The following ATG13 variants were observed in gnomAD, a reference collection of about 807,000 sequenced individuals.
ATG13 encodes autophagy related 13.
Under a neutral mutation model 65.5 loss-of-function variants are expected in ATG13, and 23 were observed. The observed-to-expected ratio is 0.35, with a 90% CI of 0.25 to 0.50. The LOEUF (loss-of-function observed/expected upper bound fraction) is 0.50, where lower values mean the gene tolerates loss of function less well. ATG13 is among the 20% of genes least tolerant of loss of function. ATG13 has a pLI of 0.98. For synonymous variants in ATG13, 252 were observed against 245.2 expected, an observed-to-expected ratio of 1.03 and a Z score of -0.26; for missense variants, 566 against 677.0, an observed-to-expected ratio of 0.84 and a Z score of 1.82.
chr11:46,659,455 C>T lies in ATG13; in HGVS notation c.759C>T (p.Thr253=). 1 of 1,613,948 alleles carries T rather than the reference C, an allele frequency of 6.2e-7. No individual in the cohort carries two copies. The highest frequency in any genetic ancestry group is 1.1e-5 in the South Asian group (1 of 91,062). The change falls in exon 11 of 19, where the codon ACC becomes ACT. Residue 253 remains threonine (T), a synonymous_variant. Transcript: ENST00000683050. ...PSVEDSQEVC[T]TSFSTSPPSQ... ...TAGAAGACTCTCAAGAAGTGTGTAC[C>T]ACCTCTTTTTCCACCTCCCCACCAT...
chr11:46,645,501 T>C, intron 4 of ATG13, 82 bp downstream of exon 4: 1 of 1,130,160 alleles, frequency 8.8e-7, no homozygotes, highest in Non-Finnish European at 1.3e-6. Context: ...CAATAATAAG[T>C]AATACCATTT....
At position 46,672,592 on chromosome 11, in the gene ATG13, G is replaced by A; in HGVS notation, c.*260G>A. 4 of 1,422,840 alleles carry A rather than the reference G, an allele frequency of 2.8e-6. 1 individual carries two copies. Among genetic ancestry groups the A allele is most frequent in the East Asian group, 6.3e-5 (2 of 31,856 alleles). 88.1% of individuals were successfully genotyped at this position (1,422,840 alleles called of 1,614,324 possible). ...GAACCTTCGTACGAAAAAGCCCTCA[G>A]CAGGGCCATCTGTGTGCCCTGCCCA... On this transcript the variant is annotated 3_prime_UTR_variant, in exon 19 of 19. Coordinates refer to ENST00000683050, the MANE Select transcript of ATG13 (RefSeq NM_001346311.2).
At chr11:46,619,996 T>G (rs1233176029) in intron 1 of ATG13, among the ~76,000 whole-genome samples, 2 of 140,900 alleles carry the variant, frequency 1.4e-5, no homozygotes, top group South Asian at 2.4e-4. Flanking sequence ...GCCATTGCAC[T>G]CCAGCCCGGG....
chr11:46,623,541 C>T (rs1464492613), intron 1 of ATG13, among the ~76,000 whole-genome samples: 1 of 151,902 alleles, frequency 6.6e-6, no homozygotes, highest in East Asian at 1.9e-4. Flanking sequence ...AGTTCTCCTG[C>T]CTCAGCCTCC....
chr11:46,654,427 AT>A (rs2059608478), intron 7 of ATG13, among the ~76,000 whole-genome samples: 1 of 140,722 alleles, frequency 7.1e-6, no homozygotes, highest in Non-Finnish European at 1.5e-5. Flanking sequence ...TGGGAGAATA[AT>A]TTGAGGCCAG....
intron 2 of ATG13, among the ~76,000 whole-genome samples, chr11:46,634,159 G>C (rs549767654): frequency 1.3e-5 from 2 of 151,270 alleles, no homozygotes; most frequent in Non-Finnish European, 2.9e-5. Context: ...TCAGTGGCAC[G>C]ATCTCAGCTC....
At chr11:46,657,301 T>C in intron 9 of ATG13, 110 bp downstream of exon 9, 1 of 1,098,220 alleles carries the variant, frequency 9.1e-7, no homozygotes, top group South Asian at 1.3e-5. Flanking sequence ...AAGCAGTACC[T>C]TCAGAAGAAT....
At chr11:46,635,459 TAGAG>T (rs1427323766) in intron 2 of ATG13, among the ~76,000 whole-genome samples, 1 of 152,280 alleles carries the variant, frequency 6.6e-6, no homozygotes, top group Admixed American at 6.5e-5. Flanking sequence ...CTGGCCAACA[TAGAG>T]AGACCCCCAT....
At chr11:46,622,139 G>A (rs1250994353) in intron 1 of ATG13, among the ~76,000 whole-genome samples, 1 of 123,848 alleles carries the variant, frequency 8.1e-6, no homozygotes, top group Non-Finnish European at 1.6e-5. Context: ...TTATTTTAGA[G>A]ATGGTATTTG....
chr11:46,669,262 G>A (rs1187489210), intron 17 of ATG13, 142 bp from the exon 18 acceptor site: 1 of 1,083,914 alleles, frequency 9.2e-7, no homozygotes, highest in Non-Finnish European at 1.3e-6. Flanking sequence ...TGAACAGTCT[G>A]GGAGAGAAAA....
At chr11:46,665,129 A>T (rs1176443369) in intron 13 of ATG13, among the ~76,000 whole-genome samples, 170 bp downstream of exon 13, 1 of 152,206 alleles carries the variant, frequency 6.6e-6, no homozygotes, top group Admixed American at 6.5e-5. Flanking sequence ...GGAGCCTCTT[A>T]GACTTCAGAA....
At chr11:46,652,745 C>T (rs1164977923) in intron 7 of ATG13, among the ~76,000 whole-genome samples, 1 of 152,080 alleles carries the variant, frequency 6.6e-6, no homozygotes, top group Non-Finnish European at 1.5e-5. Flanking sequence ...AAAAGTTTAG[C>T]AAATTTTAAG....
intron 12 of ATG13, 103 bp from the exon 13 acceptor site, chr11:46,664,746 C>G: frequency 9.7e-7 from 1 of 1,034,698 alleles, no homozygotes; most frequent in Non-Finnish European, 1.5e-6. Context: ...TGGGCGGGAG[C>G]CATTCCTTAT....
In ATG13 at chr11:46,668,794, G is replaced by A. The variant is rs987531893; in HGVS notation, c.1330G>A (p.Val444Met). The A allele has an allele frequency of 5.6e-6, 9 of 1,611,282 alleles. No individual in the cohort carries two copies. The highest frequency in any genetic ancestry group is 5.9e-6 in the Non-Finnish European group (7 of 1,178,350). Residue 444 changes from valine (V) to methionine (M), a missense_variant and splice_region_variant, in exon 17 of 19, where the codon GTG becomes ATG. Physicochemically the swap from Val to Met is conservative, Grantham distance 21 (BLOSUM62 1). Coordinates refer to ENST00000683050, the MANE Select transcript of ATG13 (RefSeq NM_001346311.2). ...NLELEDTDPM[V>M]NPPDSPETES... ...CTAATCCTGCCTTGCTATGAAACAG[G>A]TGAATCCTCCAGATTCCCCAGAGAC...
chr11:46,625,274 T>C (rs1442550030), intron 1 of ATG13: 15 of 144,790 alleles, frequency 1.0e-4, no homozygotes, highest in African/African-American at 3.1e-4. Flanking sequence ...TCTTTCTTTT[T>C]TTTTTTTTTT....
intron 16 of ATG13, 88 bp from the exon 17 acceptor site, chr11:46,668,706 T>A (rs2062988598): frequency 1.3e-6 from 2 of 1,489,824 alleles, no homozygotes; most frequent in Non-Finnish European, 1.9e-6. Flanking sequence ...TAGCCAGCAT[T>A]AAGTTCTTCC....
intron 12 of ATG13, 114 bp downstream of exon 12, chr11:46,664,209 A>T (rs1320783217): frequency 2.3e-6 from 2 of 858,006 alleles, no homozygotes; most frequent in East Asian, 5.7e-5. Context: ...CTGTGGGATT[A>T]TTTTGAGGCT....
chr11:46,651,638 A>G (rs886535761), intron 7 of ATG13, among the ~76,000 whole-genome samples: 1 of 152,240 alleles, frequency 6.6e-6, no homozygotes, highest in African/African-American at 2.4e-5. Context: ...GTATAGCAAG[A>G]TAGAGGGACC....
intron 2 of ATG13, among the ~76,000 whole-genome samples, chr11:46,640,396 A>G (rs1187090315): frequency 6.6e-6 from 1 of 152,230 alleles, no homozygotes; most frequent in African/African-American, 2.4e-5. Context: ...CCTCTGGGAG[A>G]AGATATTTGC....
Sources: gnomAD v4.1 joint callset for allele counts (sites outside exome capture counted in the v4.1 genomes callset) on GRCh38, gnomAD v4.1.1 for gene constraint, MANE v1.5 for transcripts, NCBI Gene and HGNC (gene_info 2026-07-23, HGNC 2026-07-21) for gene names.